The following CLEC1A variants were observed in gnomAD, a reference collection of about 807,000 sequenced individuals.
CLEC1A encodes the protein C-type lectin-like receptor-1.
CLEC1A carries 34 observed loss-of-function variants against 28.7 expected under a neutral mutation model. The observed-to-expected ratio is 1.18, with a 90% CI of 0.90 to 1.57. The LOEUF is 1.57. CLEC1A is among the 40% of genes most tolerant of loss of function. The pLI, the probability that CLEC1A is intolerant of heterozygous loss-of-function variation, is 0.00. For synonymous variants in CLEC1A, 116 were observed against 121.0 expected (o/e 0.96, Z 0.27); for missense variants, 385 against 339.5 (o/e 1.13, Z -1.05).
At position 10,075,667 on chromosome 12, in the gene CLEC1A, GC is replaced by G; in HGVS notation, c.392-13del. On this transcript the variant is annotated splice_polypyrimidine_tract_variant and intron_variant, in intron 3 of 5. Coordinates refer to ENST00000315330, the MANE Select transcript of CLEC1A (RefSeq NM_016511.4). The stretch of plus-strand genomic sequence containing the variant: ...GCTGCACCTGTGTGCTTGGAAAAAA[GC>G]CAATTTTATTGTTATTTTCTGCATG... The G allele has an allele frequency of 6.2e-7, 1 of 1,610,634 alleles. No individual in the cohort carries two copies. The highest frequency in any genetic ancestry group is 8.5e-7 in the Non-Finnish European group (1 of 1,178,448).
At chr12:10,071,601 T>C (rs915830593) in intron 5 of CLEC1A, 88 bp from the exon 6 acceptor site, 19 of 1,105,164 alleles carry the variant, frequency 1.7e-5, no homozygotes, top group Non-Finnish European at 2.0e-5. Context: ...GTTATAAAAT[T>C]ATAGTCTAGA....
intron 2 of CLEC1A, chr12:10,084,319 A>C (rs1042194639): frequency 1.9e-4 from 29 of 152,152 alleles, no homozygotes; most frequent in African/African-American, 7.0e-4. Flanking sequence ...GAAGCTGTGC[A>C]CTGGGTCGAA....
At chr12:10,082,883 T>A (rs923508804) in intron 2 of CLEC1A, among the ~76,000 whole-genome samples, 2 of 152,164 alleles carry the variant, frequency 1.3e-5, no homozygotes, top group African/African-American at 4.8e-5. Context: ...ACTGCTAGCA[T>A]AACCAGCATT....
At chr12:10,072,697 C>T (rs1003074762) in intron 5 of CLEC1A, among the ~76,000 whole-genome samples, 2 of 152,070 alleles carry the variant, frequency 1.3e-5, no homozygotes, top group African/African-American at 2.4e-5. Context: ...ATGTCCCAGA[C>T]ACAAACTTCT....
chr12:10,091,366 G>C (rs953546562), intron 1 of CLEC1A, among the ~76,000 whole-genome samples: 3 of 151,806 alleles, frequency 2.0e-5, no homozygotes, highest in African/African-American at 7.3e-5. Flanking sequence ...AGATAAGTGG[G>C]TTCTCCAAAG....
intron 2 of CLEC1A, among the ~76,000 whole-genome samples, chr12:10,088,119 T>C (rs1268734414): frequency 6.6e-6 from 1 of 152,148 alleles, no homozygotes; most frequent in East Asian, 1.9e-4. Context: ...TTAGGATCAT[T>C]GAGAACAAGT....
intron 2 of CLEC1A, among the ~76,000 whole-genome samples, chr12:10,087,458 G>A (rs1866518303): frequency 9.0e-6 from 1 of 111,608 alleles, no homozygotes; most frequent in Non-Finnish European, 1.7e-5. Context: ...GCATATAAAG[G>A]ACATACCTCA....
chr12:10,075,783 G>T, intron 3 of CLEC1A, 128 bp from the exon 4 acceptor site: 1 of 771,120 alleles, frequency 1.3e-6, no homozygotes, highest in Non-Finnish European at 2.0e-6. Flanking sequence ...AATTACCCAG[G>T]CAATGATAAC....
At chr12:10,077,563 G>A (rs1170792705) in intron 3 of CLEC1A, among the ~76,000 whole-genome samples, 9 of 151,766 alleles carry the variant, frequency 5.9e-5, no homozygotes, top group African/African-American at 1.5e-4. Flanking sequence ...ATTTCTAAAC[G>A]GAACATGTAC....
chr12:10,083,627 C>A (rs1191003105), intron 2 of CLEC1A, among the ~76,000 whole-genome samples: 35 of 152,106 alleles, frequency 2.3e-4, no homozygotes, highest in Admixed American at 2.3e-3. Context: ...TGCCCACCAC[C>A]ATGTCTCTCT....
chr12:10,080,321 C>T (rs533855965), intron 3 of CLEC1A, among the ~76,000 whole-genome samples: 1 of 151,888 alleles, frequency 6.6e-6, no homozygotes, highest in East Asian at 1.9e-4. Context: ...TCCCCCCACC[C>T]CCAAAAAAAG....
chr12:10,072,634 ATC>A (rs58355839), intron 5 of CLEC1A, among the ~76,000 whole-genome samples: 1,712 of 147,882 alleles, frequency 0.012, 23 homozygotes, highest in Middle Eastern at 0.069. Flanking sequence ...TCAGGGAAAG[ATC>A]TCTCTCTCTC....
Position 10,087,472 on chromosome 12 carries a change from TTATATATATATATATATATATATATATA to T in CLEC1A, c.214+1624_214+1651del, listed in dbSNP as rs200437169. On this transcript the variant is annotated intron_variant, in intron 2 of 5. Coordinates refer to ENST00000315330, the MANE Select transcript of CLEC1A (RefSeq NM_016511.4). ...GGCATATAAAGGACATACCTCAAAG[TTATATATATATATATATATATATATATA>T]TATATATATATATATATATTTGTTT... Among the ~76,000 whole-genome samples the T allele has an allele frequency of 1.6e-4, 12 of 75,182 alleles. No individual in the cohort carries two copies. The South Asian group carries it at 3.9e-3, about 24-fold the overall frequency. 49.3% of individuals were successfully genotyped at this position (75,182 alleles called of 152,430 possible).
chr12:10,072,529 C>T lies in CLEC1A; in HGVS notation c.662+764G>A, dbSNP rs892784802. ...GCTCCCTATTTTGCTGCACAGAAAG[C>T]CAAGAACTCTTATGCTATCTCTGGG... On this transcript the variant is annotated intron_variant, in intron 5 of 5. Coordinates refer to ENST00000315330, the MANE Select transcript of CLEC1A (RefSeq NM_016511.4). Among the ~76,000 whole-genome samples, 12 of 152,200 alleles carry T rather than the reference C, an allele frequency of 7.9e-5. No individual in the cohort carries two copies. In the East Asian group the frequency reaches 1.7e-3, roughly 22 times the overall value.
rs1019123239 is a variant in CLEC1A, at chr12:10,098,882, T to C, written c.41A>G (p.Asp14Gly). ...CAGGCTCATGGTGGTGTCCCCATCA[T>C]CATCCAGCATGTCCCTCGTGCTGCT... ...KYSSTRDMLD[D>G]DGDTTMSLHS... The change falls in exon 1 of 6, where the codon GAT becomes GGT. Residue 14 changes from aspartate to glycine, a missense_variant. Physicochemically the swap from Asp to Gly is moderately conservative, Grantham distance 94 (BLOSUM62 -1). Transcript: ENST00000315330. 1 of 1,613,730 alleles carries C rather than the reference T, an allele frequency of 6.2e-7. No homozygotes were observed.
rs57574014 is a variant in CLEC1A at position 10,084,821 on chromosome 12, C to CAAAAAAAAA, written c.215-3417_215-3409dup. Among the ~76,000 whole-genome samples the CAAAAAAAAA allele has an allele frequency of 1.2e-3, 97 of 83,710 alleles. 1 individual carries two copies. Among genetic ancestry groups the CAAAAAAAAA allele is most frequent in the African/African-American group, 3.2e-3 (84 of 26,078 alleles). 54.9% of individuals were successfully genotyped at this position (83,710 alleles called of 152,430 possible). A position where few individuals can be genotyped will look rare whatever the true frequency, so the allele number is the denominator to read the frequency against. On this transcript the variant is annotated intron_variant, in intron 2 of 5. Coordinates refer to ENST00000315330, the MANE Select transcript of CLEC1A (RefSeq NM_016511.4). ...TAGGCGACAGAGTGAGACTCTGTAT[C>CAAAAAAAAA]AAAAAAAAAAAAAAAAAAAAAAGAA...
At chr12:10,083,122 C>T (rs1866405191) in intron 2 of CLEC1A, among the ~76,000 whole-genome samples, 1 of 152,176 alleles carries the variant, frequency 6.6e-6, no homozygotes, top group Admixed American at 6.5e-5. Context: ...ACAATCACTG[C>T]AGTCTGGCTC....
intron 5 of CLEC1A, among the ~76,000 whole-genome samples, chr12:10,071,714 CA>C (rs1467837039): frequency 1.3e-5 from 2 of 152,148 alleles, no homozygotes; most frequent in Non-Finnish European, 2.9e-5. Context: ...CCCCAAACAG[CA>C]AAAACCATTT....
intron 1 of CLEC1A, among the ~76,000 whole-genome samples, chr12:10,094,715 G>T (rs1283489225): frequency 6.6e-6 from 1 of 152,126 alleles, no homozygotes; most frequent in African/African-American, 2.4e-5. Context: ...TAGAATGACA[G>T]CAGCTTGCAA....
Sources: gnomAD v4.1 joint callset for allele counts (sites outside exome capture counted in the v4.1 genomes callset) on GRCh38, gnomAD v4.1.1 for gene constraint, MANE v1.5 for transcripts, NCBI Gene and HGNC (gene_info 2026-07-23, HGNC 2026-07-21) for gene names.